The following SPTBN4 variants were observed in gnomAD, a reference collection of about 807,000 sequenced individuals.
SPTBN4 encodes the protein spectrin beta, non-erythrocytic 4.
A neutral mutation model predicts 277.8 loss-of-function variants in SPTBN4; 96 were observed. The observed-to-expected ratio is 0.35, with a 90% CI of 0.29 to 0.41. SPTBN4 has a LOEUF of 0.41. SPTBN4 is among the 10% of genes least tolerant of loss of function. The pLI, the probability that SPTBN4 is intolerant of heterozygous loss-of-function variation, is 1.00. For synonymous variants in SPTBN4, 1,481 were observed against 1,580.3 expected, an observed-to-expected ratio of 0.94 and a Z score of 1.49; for missense variants, 3,006 against 3,595.7, an observed-to-expected ratio of 0.84 and a Z score of 4.19.
chr19:40,574,073 G>A (rs1381482351), intron 35 of SPTBN4, among the ~76,000 whole-genome samples: 1 of 152,132 alleles, frequency 6.6e-6, no homozygotes, highest in East Asian at 1.9e-4. Context: ...CTGCACTCCA[G>A]CCTGAGCGAC....
In SPTBN4 at chr19:40,519,966, C is replaced by T; in HGVS notation, c.3469C>T (p.Leu1157=). Reference sequence around the variant, plus strand: ...CATCGTGGCGGCCAGCGAGGCGCTGCTGGCCGCCGACGGCGCAGAGCTGGG... The same window carrying T: ...CATCGTGGCGGCCAGCGAGGCGCTGTTGGCCGCCGACGGCGCAGAGCTGGG... The part of the protein sequence containing the change: ...ARIVAASEAL[L]AADGAELGPG... The change falls in exon 16 of 36, where the codon CTG becomes TTG. Residue 1157 remains leucine (L), a synonymous_variant. Transcript: ENST00000598249. The surrounding 1 kb of genome is among the most constrained non-coding windows in gnomAD (Gnocchi z 5.7). 1.3e-6 allele frequency: 2 copies of T among 1,540,848 alleles called. No individual in the cohort carries two copies. Among genetic ancestry groups the T allele is most frequent in the Non-Finnish European group, 1.7e-6 (2 of 1,151,104 alleles).
At position 40,502,504 on chromosome 19, in the gene SPTBN4, C is replaced by G; in HGVS notation, c.1200C>G (p.Asp400Glu). The G allele has an allele frequency of 6.2e-7, 1 of 1,611,042 alleles. No homozygotes were observed. Among genetic ancestry groups the G allele is most frequent in the Non-Finnish European group, 8.5e-7 (1 of 1,178,826 alleles). The change falls in exon 10 of 36, where the codon GAC becomes GAG. Residue 400 changes from aspartate to glutamate, a missense_variant. By Grantham distance (45) the Asp-to-Glu change is conservative. This residue lies in a region of SPTBN4 where 1,759 missense variants were observed against 2,061.5 expected (regional missense o/e 0.85). Coordinates refer to ENST00000598249, the MANE Select transcript of SPTBN4 (RefSeq NM_020971.3). This position sits in a 1 kb window ranked among gnomAD's most constrained non-coding sequence, Gnocchi z 4.9. ...AGGGCTGTGGCATCTGGGATATTGA[C>G]AAGGTGAGGCCGGGGATGCAGGGGA... ...PREGCGIWDI[D>E]KAWGELEKAE...
chr19:40,477,325 A>T (rs971001682), intron 2 of SPTBN4, among the ~76,000 whole-genome samples: 5 of 152,180 alleles, frequency 3.3e-5, no homozygotes, highest in African/African-American at 1.2e-4. Flanking sequence ...TTGGGATTAC[A>T]GGTGTGAACC....
chr19:40,491,713 CAAAAAA>C (rs35237688), intron 4 of SPTBN4, among the ~76,000 whole-genome samples: 10 of 38,798 alleles, frequency 2.6e-4, no homozygotes, highest in South Asian at 1.7e-3. Flanking sequence ...GACTCTGTCT[CAAAAAA>C]AAAAAAAAAA....
In SPTBN4 at chr19:40,490,365, T is replaced by C; in HGVS notation, c.495+117T>C. The C allele has an allele frequency of 7.9e-7, 1 of 1,265,004 alleles. No homozygotes were observed. The highest frequency in any genetic ancestry group is 1.1e-6 in the Non-Finnish European group (1 of 927,956). 78.4% of individuals were successfully genotyped at this position (1,265,004 alleles called of 1,614,324 possible). A position where few individuals can be genotyped will look rare whatever the true frequency, so the allele number is the denominator to read the frequency against. ...ATATCCTAATATGCTGGAATCCTAT[T>C]CCAGGTGTTAGGGATGAAAATAATG... On this transcript the variant is annotated intron_variant, in intron 4 of 35. Transcript: ENST00000598249. This position sits in a 1 kb window ranked among gnomAD's most constrained non-coding sequence, Gnocchi z 4.3.
In SPTBN4 at chr19:40,515,192, C is replaced by A; in HGVS notation, c.2766-119C>A. ...AAGCAGCAAGTAGAAGAGAAGGAGC[C>A]CACAAAGGAGGCTGAAAAGAAGGGT... is the stretch of plus-strand genomic sequence containing the variant. On this transcript the variant is annotated intron_variant, in intron 14 of 35. Transcript: ENST00000598249. The surrounding 1 kb of genome is among the most constrained non-coding windows in gnomAD (Gnocchi z 4.1). The A allele has an allele frequency of 9.5e-7, 1 of 1,052,412 alleles. No homozygotes were observed. Among genetic ancestry groups the A allele is most frequent in the Non-Finnish European group, 1.3e-6 (1 of 767,360 alleles). 65.2% of individuals were successfully genotyped at this position (1,052,412 alleles called of 1,614,324 possible).
chr19:40,553,467 A>T (rs138160711), intron 22 of SPTBN4, among the ~76,000 whole-genome samples: 19 of 152,330 alleles, frequency 1.2e-4, no homozygotes, highest in African/African-American at 4.6e-4. Context: ...TCTCTAAAAA[A>T]GCAAAATAAG....
chr19:40,513,326 G>A lies in SPTBN4; in HGVS notation c.2537G>A (p.Gly846Glu), dbSNP rs1027709688. ...ACACTCGGGGGTGCCAGTGGCGCAG[G>A]GCCACTGGTGGTGGCGCTGCAGGTG... ...LATLGGASGAGPLVVALQVRV... is the reference protein window; with the variant it reads ...LATLGGASGAEPLVVALQVRV... The change falls in exon 14 of 36, where the codon GGG becomes GAG. Residue 846 changes from glycine (G) to glutamate (E), a missense_variant. Gly to Glu is a moderately conservative substitution (Grantham distance 98). Coordinates refer to ENST00000598249, the MANE Select transcript of SPTBN4 (RefSeq NM_020971.3). 3.2e-6 allele frequency: 5 copies of A among 1,578,670 alleles called. No homozygotes were observed. Among genetic ancestry groups the A allele is most frequent in the Non-Finnish European group, 4.3e-6 (5 of 1,165,246 alleles).
chr19:40,499,149 T>C (rs9749219), intron 7 of SPTBN4, among the ~76,000 whole-genome samples: 27,927 of 150,726 alleles, frequency 0.19, 3,315 homozygotes, highest in African/African-American at 0.33. Flanking sequence ...CTGCCTCAGC[T>C]TCCCAAGTAA....
chr19:40,502,875 A>G lies in SPTBN4; in HGVS notation c.1304A>G (p.Asp435Gly), dbSNP rs775809176. The change falls in exon 11 of 36, where the codon GAC becomes GGC. Residue 435 changes from aspartate to glycine, a missense_variant. Physicochemically the swap from Asp to Gly is moderately conservative, Grantham distance 94. Around this residue, in one of 5 missense-constraint regions of SPTBN4, gnomAD observed 1,759 missense variants for 2,061.5 expected, o/e 0.85. Transcript: ENST00000598249. This position sits in a 1 kb window ranked among gnomAD's most constrained non-coding sequence, Gnocchi z 4.9. ...CTGGAACTACTGGCACAGAGGTTTG[A>G]CCACAAGGTGGCTATGAGGGAGAGC... ...EKLELLAQRF[D>G]HKVAMRESWL... is the part of the protein sequence containing the mutation. The G allele has an allele frequency of 8.7e-6, 14 of 1,613,718 alleles. No individual in the cohort carries two copies. In the Admixed American group the frequency reaches 2.2e-4, roughly 25 times the overall value.
chr19:40,499,865 A>G (rs2080244169), intron 7 of SPTBN4, among the ~76,000 whole-genome samples: 2 of 151,962 alleles, frequency 1.3e-5, no homozygotes. Context: ...CCTGGTACGT[A>G]GTAGGTGCTA....
At chr19:40,493,850 C>G (rs1159658121) in intron 5 of SPTBN4, among the ~76,000 whole-genome samples, 1 of 152,206 alleles carries the variant, frequency 6.6e-6, no homozygotes, top group Non-Finnish European at 1.5e-5. Flanking sequence ...TCTTCTCTCT[C>G]TCCCCCATCC....
intron 1 of SPTBN4, 123 bp from the exon 2 acceptor site, chr19:40,472,484 T>G: frequency 1.3e-5 from 11 of 856,458 alleles, no homozygotes; most frequent in East Asian, 2.8e-5. Flanking sequence ...GGCCTTATCA[T>G]TGTTATTATG....
intron 20 of SPTBN4, among the ~76,000 whole-genome samples, chr19:40,537,003 A>C (rs1303752403): frequency 4.0e-5 from 6 of 150,240 alleles, no homozygotes; most frequent in Non-Finnish European, 1.5e-5. Flanking sequence ...CTTTATCTCT[A>C]TTTATTGAAC....
chr19:40,481,529 G>T (rs1467650858), intron 2 of SPTBN4, among the ~76,000 whole-genome samples: 19 of 152,180 alleles, frequency 1.2e-4, no homozygotes. Flanking sequence ...AGGCTGGAGT[G>T]CAGTGGCGCG....
intron 35 of SPTBN4, chr19:40,572,606 T>A: frequency 3.5e-6 from 2 of 575,502 alleles, no homozygotes; most frequent in East Asian, 2.9e-5. Flanking sequence ...GATGACAAAG[T>A]CCAACATCTT....
At chr19:40,533,564 G>T (rs2145899942) in intron 19 of SPTBN4, among the ~76,000 whole-genome samples, 1 of 152,236 alleles carries the variant, frequency 6.6e-6, no homozygotes, top group African/African-American at 2.4e-5. Flanking sequence ...CCCTTAAATG[G>T]TCATTGATGT....
chr19:40,495,449 C>T (rs991649748), intron 6 of SPTBN4, among the ~76,000 whole-genome samples: 2 of 152,074 alleles, frequency 1.3e-5, no homozygotes, highest in Non-Finnish European at 2.9e-5. Flanking sequence ...TCAAGACCAG[C>T]CTGGCCAACA....
intron 4 of SPTBN4, among the ~76,000 whole-genome samples, chr19:40,491,106 G>A (rs969700355): frequency 6.6e-6 from 1 of 152,164 alleles, no homozygotes; most frequent in African/African-American, 2.4e-5. Flanking sequence ...GATATAAAAT[G>A]TCAGTTGGTG....
Sources: allele counts gnomAD v4.1 joint callset (sites outside exome capture counted in the v4.1 genomes callset), GRCh38; gene constraint gnomAD v4.1.1; regional missense constraint gnomAD v4.1.1; non-coding constraint Gnocchi (gnomAD v3.1); transcripts MANE v1.5; gene names NCBI Gene and HGNC (gene_info 2026-07-23, HGNC 2026-07-21).